The following ZC3H7A variants were observed in gnomAD, a reference collection of about 807,000 sequenced individuals.
ZC3H7A encodes the protein zinc finger CCCH-type containing 7A.
Under a neutral mutation model 125.5 loss-of-function variants are expected in ZC3H7A, and 44 were observed. The ratio of observed to expected loss-of-function variants is 0.35; its 90% CI spans 0.28 to 0.45. The LOEUF (loss-of-function observed/expected upper bound fraction) is 0.45. Among genes scored for constraint, ZC3H7A ranks in the 20% least tolerant of loss-of-function variants. ZC3H7A has a pLI of 1.00. For missense variants in ZC3H7A, 977 were observed against 1,170.7 expected (o/e 0.83, Z 2.41); for synonymous variants, 399 against 391.2 (o/e 1.02, Z -0.23).
At chr16:11,784,726 T>C (rs991669879) in intron 1 of ZC3H7A, among the ~76,000 whole-genome samples, 2 of 151,942 alleles carry the variant, frequency 1.3e-5, no homozygotes, top group Non-Finnish European at 2.9e-5. Flanking sequence ...TGGTGGTGCA[T>C]GCCTGTAATC....
At chr16:11,775,178 C>T (rs2053058460) in intron 7 of ZC3H7A, among the ~76,000 whole-genome samples, 165 bp from the exon 8 acceptor site, 1 of 152,072 alleles carries the variant, frequency 6.6e-6, no homozygotes, top group African/African-American at 2.4e-5. Context: ...TGAGACCAGC[C>T]TGGCCAACAT....
In ZC3H7A at chr16:11,797,110, CCCCCTA is replaced by C. The variant is rs2053454217; in HGVS notation, c.-35+8_-35+13del. 6.8e-6 allele frequency: 1 copy of C among 147,556 alleles called. No homozygotes were observed. Among genetic ancestry groups the C allele is most frequent in the African/African-American group, 2.4e-5 (1 of 40,846 alleles). The allele number at this position is 147,556 out of a possible 1,614,324, so 9.1% of individuals were successfully genotyped here. A position where few individuals can be genotyped will look rare whatever the true frequency, so the allele number is the denominator to read the frequency against. ...GCGTTTCCTTCATGCCCGGCGGCGTCCCCCTACCCCTACCTGTGGGGACGACGCGCC... is the reference window on the plus strand; with the variant it reads ...GCGTTTCCTTCATGCCCGGCGGCGTCCCCCTACCTGTGGGGACGACGCGCC... On this transcript the variant is annotated splice_region_variant and intron_variant, in intron 1 of 22. Coordinates refer to ENST00000355758, the MANE Select transcript of ZC3H7A (RefSeq NM_014153.4).
chr16:11,794,008 G>A (rs546853138), intron 1 of ZC3H7A, among the ~76,000 whole-genome samples: 1 of 152,196 alleles, frequency 6.6e-6, no homozygotes, highest in Admixed American at 6.5e-5. Flanking sequence ...AAGAGGCTCC[G>A]CCTGCCAAGA....
chr16:11,780,406 C>G (rs907475442), intron 3 of ZC3H7A, among the ~76,000 whole-genome samples: 3 of 152,134 alleles, frequency 2.0e-5, no homozygotes, highest in African/African-American at 4.8e-5. Flanking sequence ...CAGGTGTGAG[C>G]CACCACGCCT....
In ZC3H7A at chr16:11,773,808, G is replaced by A. The variant is rs551780340; in HGVS notation, c.903+428C>T. On this transcript the variant is annotated intron_variant, in intron 9 of 22. Coordinates refer to ENST00000355758, the MANE Select transcript of ZC3H7A (RefSeq NM_014153.4). ...TGAGGCAGGAGAATGGTGTGAACCC[G>A]GGAGGCGGAGCTTACAGTGAGCCAA... Among the ~76,000 whole-genome samples, 115 of 151,980 alleles carry A rather than the reference G, an allele frequency of 7.6e-4. 6 individuals are homozygous for A. Among genetic ancestry groups the A allele is most frequent in the African/African-American group, 2.8e-3 (114 of 41,336 alleles).
chr16:11,765,396 T>C lies in ZC3H7A; in HGVS notation c.1719+93A>G. On this transcript the variant is annotated intron_variant, in intron 14 of 22. Transcript: ENST00000355758. This position sits in a 1 kb window ranked among gnomAD's most constrained non-coding sequence, Gnocchi z 4.8. ...ATATAAATAAATGAATATTTATTCA[T>C]TTACCAAGTGAATGTTTTATCACAT... The C allele has an allele frequency of 2.4e-6, 2 of 847,994 alleles. No homozygotes were observed. The highest frequency in any genetic ancestry group is 3.5e-6 in the Non-Finnish European group (2 of 570,818). The allele number at this position is 847,994 out of a possible 1,614,324, so 52.5% of individuals were successfully genotyped here.
At chr16:11,793,980 G>A (rs2141225302) in intron 1 of ZC3H7A, among the ~76,000 whole-genome samples, 1 of 152,284 alleles carries the variant, frequency 6.6e-6, no homozygotes, top group Middle Eastern at 3.4e-3. Flanking sequence ...TGAAGAGCCT[G>A]AAGAGCCTCC....
At chr16:11,772,529 C>T (rs769662199) in intron 9 of ZC3H7A, among the ~76,000 whole-genome samples, 3 of 151,688 alleles carry the variant, frequency 2.0e-5, no homozygotes, top group Non-Finnish European at 4.4e-5. Flanking sequence ...GTAACTTGCC[C>T]AGTATCACAG....
chr16:11,785,331 C>T (rs1006077587), intron 1 of ZC3H7A, among the ~76,000 whole-genome samples: 3 of 151,280 alleles, frequency 2.0e-5, no homozygotes, highest in African/African-American at 7.3e-5. Context: ...AGAGTGAGAC[C>T]TTGCCTCGAA....
chr16:11,792,478 A>G (rs1229264877), intron 1 of ZC3H7A, among the ~76,000 whole-genome samples: 2 of 152,208 alleles, frequency 1.3e-5, no homozygotes, highest in African/African-American at 4.8e-5. Context: ...CACATCCATG[A>G]GCTTTTGACC....
chr16:11,762,621 G>T, intron 17 of ZC3H7A, 50 bp downstream of exon 17: 1 of 1,553,402 alleles, frequency 6.4e-7, no homozygotes, highest in Non-Finnish European at 8.9e-7. Flanking sequence ...CATCTATTAC[G>T]CAATTCCAGA....
At chr16:11,780,191 G>C (rs150235634) in intron 3 of ZC3H7A, among the ~76,000 whole-genome samples, 1 of 149,958 alleles carries the variant, frequency 6.7e-6, no homozygotes, top group South Asian at 2.1e-4. Flanking sequence ...GCACGATCTC[G>C]GCTCTCTGCG....
At position 11,765,239 on chromosome 16, in the gene ZC3H7A, C is replaced by G; in HGVS notation, c.1720-86G>C. The G allele has an allele frequency of 2.3e-6, 2 of 863,146 alleles. No homozygotes were observed. The highest frequency in any genetic ancestry group is 3.4e-6 in the Non-Finnish European group (2 of 591,988). 53.5% of individuals were successfully genotyped at this position (863,146 alleles called of 1,614,324 possible). ...TATTGTCCTAGTTTCAATATCATTA[C>G]AAAATTAATATTCAATATGAAGTTT... is the stretch of plus-strand genomic sequence containing the variant. On this transcript the variant is annotated intron_variant, in intron 14 of 22. Transcript: ENST00000355758. This position sits in a 1 kb window ranked among gnomAD's most constrained non-coding sequence, Gnocchi z 4.8.
chr16:11,758,836 A>C (rs2052695290), intron 19 of ZC3H7A: 2 of 317,454 alleles, frequency 6.3e-6, no homozygotes, highest in Non-Finnish European at 5.9e-6. Context: ...TAATCTCCAC[A>C]ATGAACATCC....
In ZC3H7A at chr16:11,782,489, A is replaced by G. The variant is rs1482572064; in HGVS notation, c.-34-101T>C. 8 of 969,280 alleles carry G rather than the reference A, an allele frequency of 8.3e-6. No homozygotes were observed. The East Asian group carries it at 2.0e-4, about 24-fold the overall frequency. The allele number at this position is 969,280 out of a possible 1,614,324, so 60.0% of individuals were successfully genotyped here. A position where few individuals can be genotyped will look rare whatever the true frequency, so the allele number is the denominator to read the frequency against. On this transcript the variant is annotated intron_variant, in intron 1 of 22. Coordinates refer to ENST00000355758, the MANE Select transcript of ZC3H7A (RefSeq NM_014153.4). ...GACCTTGTCACACAATCAGCTGTGGACACATCCATTTCTGACTTGACTCCA... is the reference window on the plus strand; with the variant it reads ...GACCTTGTCACACAATCAGCTGTGGGCACATCCATTTCTGACTTGACTCCA...
chr16:11,774,878 T>A, intron 8 of ZC3H7A, 102 bp downstream of exon 8: 1 of 1,331,298 alleles, frequency 7.5e-7, no homozygotes, highest in Non-Finnish European at 1.1e-6. Context: ...TTAATATGAA[T>A]ATAACCACAC....
rs763258711 is a variant in ZC3H7A, at chr16:11,761,467, C to T, written c.2258G>A (p.Arg753His). The part of the protein sequence containing the change: ...RRAMRVMSIE[R>H]KKWMNIRPLP... ...AGGACGGATGTTCATCCACTTCTTACGTTCAATAGACATCACTCTCATCGC... is the reference window on the plus strand; with the variant it reads ...AGGACGGATGTTCATCCACTTCTTATGTTCAATAGACATCACTCTCATCGC... Residue 753 changes from arginine (R) to histidine (H), a missense_variant, in exon 19 of 23, where the codon CGT becomes CAT. This residue lies in a region of ZC3H7A where 436 missense variants were observed against 603.2 expected (regional missense o/e 0.72). Transcript: ENST00000355758. 9.9e-6 allele frequency: 16 copies of T among 1,613,946 alleles called. No homozygotes were observed. In the East Asian group the frequency reaches 1.8e-4, roughly 18 times the overall value.
chr16:11,783,850 C>T (rs994320833), intron 1 of ZC3H7A, among the ~76,000 whole-genome samples: 2 of 152,128 alleles, frequency 1.3e-5, no homozygotes, highest in African/African-American at 2.4e-5. Flanking sequence ...TGGTGCTAAA[C>T]CCTTTCTTCT....
chr16:11,773,928 A>G (rs765432185), intron 9 of ZC3H7A, among the ~76,000 whole-genome samples: 9 of 152,268 alleles, frequency 5.9e-5, no homozygotes, highest in Non-Finnish European at 1.3e-4. Context: ...TTTAATCTAT[A>G]TAATTCATTT....
Sources: allele counts gnomAD v4.1 joint callset (sites outside exome capture counted in the v4.1 genomes callset), GRCh38; gene constraint gnomAD v4.1.1; regional missense constraint gnomAD v4.1.1; non-coding constraint Gnocchi (gnomAD v3.1); transcripts MANE v1.5; gene names NCBI Gene and HGNC (gene_info 2026-07-23, HGNC 2026-07-21).